COPG2: variants seen among roughly 807,000 people sequenced by gnomAD.
The protein encoded by COPG2 is coatomer subunit gamma-2.
COPG2 carries 37 observed loss-of-function variants against 46.3 expected under a neutral mutation model. That is an observed-to-expected ratio of 0.80 (90% confidence interval 0.61 to 1.05). The LOEUF (loss-of-function observed/expected upper bound fraction) is 1.05. Ranked by LOEUF, COPG2 falls within the 50% of genes least tolerant of loss-of-function variation. The pLI is 0.00. For synonymous variants in COPG2, 159 were observed against 129.7 expected, an observed-to-expected ratio of 1.23 and a Z score of -1.53; for missense variants, 427 against 387.8, an observed-to-expected ratio of 1.10 and a Z score of -0.85.
chr7:130,658,124 C>A (rs782266127), intron 4 of COPG2, among the ~76,000 whole-genome samples: 6 of 152,048 alleles, frequency 3.9e-5, no homozygotes, highest in Non-Finnish European at 8.8e-5. Flanking sequence ...TTATAATCAC[C>A]AAAAACTGGT....
chr7:130,666,878 G>C lies in COPG2; in HGVS notation c.142C>G (p.Leu48Val), dbSNP rs782045650. 6.4e-7 allele frequency: 1 copy of C among 1,558,896 alleles called. No individual in the cohort carries two copies. The highest frequency in any genetic ancestry group is 8.8e-7 in the Non-Finnish European group (1 of 1,139,288). The change falls in exon 3 of 24, where the codon CTT becomes GTT. Residue 48 changes from leucine to valine, a missense_variant. Leu to Val is a conservative substitution (Grantham distance 32). Transcript: ENST00000425248. ...TTCAGTAAGTAAAGAATCTTTGTAA[G>C]AATATGCAAACATCTTCTTGGATTG... ...PINPRRCLHI[L>V]TKILYLLNQG...
chr7:130,523,335 A>G (rs947752634), intron 20 of COPG2, among the ~76,000 whole-genome samples: 91 of 151,874 alleles, frequency 6.0e-4, no homozygotes, highest in African/African-American at 1.7e-3. Flanking sequence ...GAAAAAGTAA[A>G]GGAAAAAAAA....
chr7:130,605,385 ATAAT>A, intron 9 of COPG2: 1 of 447,754 alleles, frequency 2.2e-6, no homozygotes. Flanking sequence ...CTGTGCTGAT[ATAAT>A]TAAGATTGTC....
Position 130,657,842 on chromosome 7 carries a change from T to G in COPG2, c.244-4894A>C, listed in dbSNP as rs183831831. On this transcript the variant is annotated intron_variant, in intron 4 of 23. Transcript: ENST00000425248. ...AATTTAAGTCACAAAGGGATACCAT[T>G]ATACACCTATCAGAATAGCTAAAAT... Among the ~76,000 whole-genome samples the G allele has an allele frequency of 5.3e-5, 8 of 152,174 alleles. No homozygotes were observed. In the East Asian group the frequency reaches 1.4e-3, roughly 26 times the overall value.
intron 5 of COPG2, among the ~76,000 whole-genome samples, chr7:130,618,117 A>G (rs1261765022): frequency 7.1e-6 from 1 of 141,280 alleles, no homozygotes; most frequent in Non-Finnish European, 1.6e-5. Flanking sequence ...AAAAAAAAAA[A>G]AAGACTTTTT....
At chr7:130,585,743 A>G (rs1794253133) in intron 9 of COPG2, among the ~76,000 whole-genome samples, 1 of 152,100 alleles carries the variant, frequency 6.6e-6, no homozygotes, top group South Asian at 2.1e-4. Context: ...GATCAGGGAA[A>G]TGCAAATCAA....
intron 9 of COPG2, among the ~76,000 whole-genome samples, chr7:130,587,890 C>T (rs1400427671): frequency 4.6e-5 from 7 of 152,058 alleles, no homozygotes; most frequent in African/African-American, 1.2e-4. Context: ...TTGCAACCTA[C>T]TCATCTGACA....
At chr7:130,580,523 C>A (rs1420586306) in intron 9 of COPG2, among the ~76,000 whole-genome samples, 12 of 131,186 alleles carry the variant, frequency 9.1e-5, no homozygotes, top group South Asian at 2.7e-4. Context: ...AATAGAGACA[C>A]AAAAAACCCT....
chr7:130,538,223 CAG>C (rs1491118201), intron 20 of COPG2, among the ~76,000 whole-genome samples: 1 of 152,006 alleles, frequency 6.6e-6, no homozygotes, highest in Non-Finnish European at 1.5e-5. Flanking sequence ...TGGGAGGAAA[CAG>C]TGGTGCAGGA....
At chr7:130,516,570 G>T (rs1456124171) in intron 20 of COPG2, among the ~76,000 whole-genome samples, 1 of 152,214 alleles carries the variant, frequency 6.6e-6, no homozygotes, top group Admixed American at 6.5e-5. Flanking sequence ...AAAGATGGAG[G>T]TTGGATGCTA....
intron 20 of COPG2, among the ~76,000 whole-genome samples, chr7:130,546,471 G>A (rs947420726): frequency 3.3e-5 from 5 of 152,122 alleles, no homozygotes; most frequent in African/African-American, 9.7e-5. Flanking sequence ...AGATAGCCTC[G>A]AGCTCAAAGG....
intron 20 of COPG2, among the ~76,000 whole-genome samples, chr7:130,522,634 C>A (rs1799733303): frequency 6.6e-6 from 1 of 151,404 alleles, no homozygotes; most frequent in African/African-American, 2.4e-5. Context: ...GGAAGGATGC[C>A]AGAGGAAGAA....
chr7:130,531,422 A>AG (rs1263948053), intron 20 of COPG2, among the ~76,000 whole-genome samples: 7 of 151,974 alleles, frequency 4.6e-5, no homozygotes, highest in Non-Finnish European at 7.4e-5. Context: ...AGTCTCTTAG[A>AG]GGGGGGCACC....
chr7:130,651,051 C>T (rs921492285), intron 5 of COPG2, among the ~76,000 whole-genome samples: 2 of 152,178 alleles, frequency 1.3e-5, no homozygotes, highest in Non-Finnish European at 1.5e-5. Context: ...ACATTCCATA[C>T]TACTACTGGT....
intron 9 of COPG2, among the ~76,000 whole-genome samples, chr7:130,582,887 TAC>T (rs1794180922): frequency 6.6e-6 from 1 of 151,936 alleles, no homozygotes; most frequent in Non-Finnish European, 1.5e-5. Context: ...GGAACACTTT[TAC>T]ACGTTGGTGG....
chr7:130,510,956 C>T (rs757725162), intron 20 of COPG2: 1 of 519,998 alleles, frequency 1.9e-6, no homozygotes, highest in Middle Eastern at 3.2e-4. Flanking sequence ...GGAAAGAATG[C>T]CCTGAAGATC....
intron 1 of COPG2, among the ~76,000 whole-genome samples, chr7:130,667,847 G>A (rs1796119620): frequency 6.6e-6 from 1 of 152,158 alleles, no homozygotes; most frequent in African/African-American, 2.4e-5. Flanking sequence ...GATTGTAGTA[G>A]GGTGCTTTTG....
chr7:130,517,943 A>G (rs920723682), intron 20 of COPG2, among the ~76,000 whole-genome samples: 2 of 152,220 alleles, frequency 1.3e-5, no homozygotes, highest in African/African-American at 2.4e-5. Flanking sequence ...GATTGCAATG[A>G]GTGGTGTAGA....
At chr7:130,520,055 G>A (rs1206689987) in intron 20 of COPG2, among the ~76,000 whole-genome samples, 1 of 152,170 alleles carries the variant, frequency 6.6e-6, no homozygotes, top group African/African-American at 2.4e-5. Context: ...GTATAGATCG[G>A]GATTCTTTGT....
Sources: allele counts gnomAD v4.1 joint callset (sites outside exome capture counted in the v4.1 genomes callset), GRCh38; gene constraint gnomAD v4.1.1; transcripts MANE v1.5; gene names NCBI Gene and HGNC (gene_info 2026-07-23, HGNC 2026-07-21).